The following CEP295 variants were observed in gnomAD, a reference collection of about 807,000 sequenced individuals.
CEP295 encodes centrosomal protein 295, also known as centrosomal protein of 295 kDa.
In CEP295, 190 loss-of-function variants were observed where a neutral mutation model predicts 291.6. The observed-to-expected ratio is 0.65, with a 90% CI of 0.58 to 0.73. CEP295 has a LOEUF of 0.73. Ranked by LOEUF, CEP295 falls within the 30% of genes least tolerant of loss-of-function variation. The pLI, the probability that CEP295 is intolerant of heterozygous loss-of-function variation, is 0.00. For synonymous variants in CEP295, 993 were observed against 1,038.8 expected (o/e 0.96, Z 0.85); for missense variants, 2,863 against 2,949.4 (o/e 0.97, Z 0.68).
intron 9 of CEP295, among the ~76,000 whole-genome samples, chr11:93,684,418 T>C (rs1166565438): frequency 6.6e-6 from 1 of 152,184 alleles, no homozygotes; most frequent in East Asian, 1.9e-4. Context: ...GGTAAACATA[T>C]CTGATAGCAA....
Position 93,697,638 on chromosome 11 carries a change from G to A in CEP295, c.2726G>A (p.Arg909Lys). The change falls in exon 15 of 30, where the codon AGA becomes AAA. Residue 909 changes from arginine (R) to lysine (K), a missense_variant. Coordinates refer to ENST00000325212, the MANE Select transcript of CEP295 (RefSeq NM_033395.2). ...CCTTCTGCCAAAGCAGATTTGGGGA[G>A]AATCCAGGAATCTTCACCAACCAAG... is the stretch of plus-strand genomic sequence containing the variant. The part of the protein sequence containing the change: ...LLPSAKADLG[R>K]IQESSPTKNN... 1 of 1,551,828 alleles carries A rather than the reference G, an allele frequency of 6.4e-7. No homozygotes were observed. The highest frequency in any genetic ancestry group is 8.7e-7 in the Non-Finnish European group (1 of 1,147,008).
Position 93,721,393 on chromosome 11 carries a change from C to A in CEP295, c.5831C>A (p.Thr1944Asn). 1 of 1,589,570 alleles carries A rather than the reference C, an allele frequency of 6.3e-7. No homozygotes were observed. Among genetic ancestry groups the A allele is most frequent in the Non-Finnish European group, 8.6e-7 (1 of 1,163,234 alleles). ...VEEEHAYLGP[T>N]VKPDDKAKTL... ...GAAGAACATGCATATTTGGGTCCAA[C>A]TGTGAAGCCAGATGATAAGGTTAGT... Residue 1944 changes from threonine to asparagine, a missense_variant, in exon 19 of 30, where the codon ACT becomes AAT. Around this residue, in one of 3 missense-constraint regions of CEP295, gnomAD observed 2,295 missense variants for 2,335.7 expected, o/e 0.98. Coordinates refer to ENST00000325212, the MANE Select transcript of CEP295 (RefSeq NM_033395.2).
intron 25 of CEP295, 53 bp from the exon 26 acceptor site, chr11:93,729,381 G>T: frequency 8.1e-7 from 1 of 1,236,520 alleles, no homozygotes; most frequent in South Asian, 1.3e-5. Flanking sequence ...AGCAGAGCAA[G>T]ACCCGCTTAA....
intron 16 of CEP295, 52 bp from the exon 17 acceptor site, chr11:93,702,724 A>C: frequency 1.3e-6 from 2 of 1,540,060 alleles, no homozygotes; most frequent in Non-Finnish European, 1.8e-6. Flanking sequence ...GAAAAGTTAG[A>C]AGTATGTTAA....
chr11:93,686,922 A>G (rs1951272464), intron 9 of CEP295, among the ~76,000 whole-genome samples: 1 of 152,176 alleles, frequency 6.6e-6, no homozygotes, highest in Admixed American at 6.5e-5. Flanking sequence ...CCTATTTTCA[A>G]CCTCTTAAAG....
At position 93,699,198 on chromosome 11, in the gene CEP295, C is replaced by G; in HGVS notation, c.4286C>G (p.Ser1429Cys). ...TCAATTAACAGTGATAATATAGTATCCTCAGGTCACTCAGAGATACCAACA... is the reference window on the plus strand; with the variant it reads ...TCAATTAACAGTGATAATATAGTATGCTCAGGTCACTCAGAGATACCAACA... ...PCSINSDNIV[S>C]SGHSEIPTLP... Residue 1429 changes from serine (S) to cysteine (C), a missense_variant, in exon 15 of 30, where the codon TCC becomes TGC. Ser to Cys is a moderately radical substitution (Grantham distance 112). Transcript: ENST00000325212. The G allele has an allele frequency of 6.4e-7, 1 of 1,551,864 alleles. No individual in the cohort carries two copies. Among genetic ancestry groups the G allele is most frequent in the African/African-American group, 1.4e-5 (1 of 73,138 alleles).
intron 5 of CEP295, among the ~76,000 whole-genome samples, chr11:93,670,863 A>C (rs1950410777): frequency 6.6e-6 from 1 of 150,512 alleles, no homozygotes; most frequent in African/African-American, 2.4e-5. Context: ...GCATGAATTA[A>C]TCAGTGGGCA....
chr11:93,729,791 A>G lies in CEP295; in HGVS notation c.7567+10A>G. 4 of 1,537,174 alleles carry G rather than the reference A, an allele frequency of 2.6e-6. No homozygotes were observed. The highest frequency in any genetic ancestry group is 3.5e-6 in the Non-Finnish European group (4 of 1,141,188). On this transcript the variant is annotated intron_variant, in intron 27 of 29. Transcript: ENST00000325212. The stretch of plus-strand genomic sequence containing the variant: ...GAGAAACCATCTATAAGTATGTTGA[A>G]TTTTTAAAATCTTCAACCAACTCCC...
chr11:93,728,841 C>G lies in CEP295; in HGVS notation c.7302+20C>G, dbSNP rs1207112013. 3.9e-6 allele frequency: 6 copies of G among 1,521,206 alleles called. No individual in the cohort carries two copies. Among genetic ancestry groups the G allele is most frequent in the Non-Finnish European group, 5.3e-6 (6 of 1,135,354 alleles). The allele number at this position is 1,521,206 out of a possible 1,614,324, so 94.2% of individuals were successfully genotyped here. A position where few individuals can be genotyped will look rare whatever the true frequency, so the allele number is the denominator to read the frequency against. On this transcript the variant is annotated intron_variant, in intron 25 of 29. Coordinates refer to ENST00000325212, the MANE Select transcript of CEP295 (RefSeq NM_033395.2). ...TTTCAGGTAAATTTAAGCTTTCCTT[C>G]TATTTTATTCTATTACAAGCAAACC...
intron 18 of CEP295, among the ~76,000 whole-genome samples, chr11:93,708,051 G>A (rs1174285796): frequency 6.6e-6 from 1 of 151,870 alleles, no homozygotes; most frequent in Non-Finnish European, 1.5e-5. Context: ...TAATTTTTGT[G>A]GCTACATAGT....
chr11:93,718,208 G>T (rs1039534634), intron 18 of CEP295, among the ~76,000 whole-genome samples: 2 of 152,224 alleles, frequency 1.3e-5, no homozygotes, highest in Non-Finnish European at 2.9e-5. Flanking sequence ...ACCACGCCTG[G>T]TCCAGATTGT....
In CEP295 at chr11:93,696,369, A is replaced by C. The variant is rs1328798893; in HGVS notation, c.1721A>C (p.His574Pro). Reference sequence around the variant, plus strand: ...CCTGTAATTTCTGATGAAGATAGTCATAGGCAGATGATTCGTAACTATCAA... The same window carrying C: ...CCTGTAATTTCTGATGAAGATAGTCCTAGGCAGATGATTCGTAACTATCAA... ...SCPVISDEDS[H>P]RQMIRNYQHQ... The change falls in exon 14 of 30, where the codon CAT (histidine) becomes CCT (proline). Residue 574 changes from histidine to proline, a missense_variant. His to Pro is a moderately conservative substitution (Grantham distance 77). Around this residue, in one of 3 missense-constraint regions of CEP295, gnomAD observed 2,295 missense variants for 2,335.7 expected, o/e 0.98. Coordinates refer to ENST00000325212, the MANE Select transcript of CEP295 (RefSeq NM_033395.2). The C allele has an allele frequency of 1.3e-6, 2 of 1,550,958 alleles. No homozygotes were observed. Among genetic ancestry groups the C allele is most frequent in the South Asian group, 1.2e-5 (1 of 84,040 alleles).
At chr11:93,668,242 C>G (rs7925086) in intron 3 of CEP295, among the ~76,000 whole-genome samples, 53,894 of 151,984 alleles carry the variant, frequency 0.35, 10,064 homozygotes, top group South Asian at 0.49. Flanking sequence ...TGTGGAAATA[C>G]TACAGTCCCA....
chr11:93,724,824 A>T (rs1219771066), intron 22 of CEP295, among the ~76,000 whole-genome samples: 1 of 152,136 alleles, frequency 6.6e-6, no homozygotes, highest in Non-Finnish European at 1.5e-5. Context: ...TAAATAAAAA[A>T]TAAAAATAAA....
At chr11:93,696,447 T>C (rs1292522759) in intron 14 of CEP295, 30 bp downstream of exon 14, 1 of 1,322,908 alleles carries the variant, frequency 7.6e-7, no homozygotes, top group East Asian at 2.5e-5. Flanking sequence ...TTATATGTGA[T>C]CGTATGTGGC....
chr11:93,667,742 T>C lies in CEP295; in HGVS notation c.244T>C (p.Leu82=). ...ATCACAAACTCAGAAAATACAGAAC[T>C]TGGAAAAACTGTATTTGGCAAGTTT... ...EESQTQKIQN[L]EKLYLASLRS... The change falls in exon 3 of 30, where the codon TTG becomes CTG. Residue 82 remains leucine, a synonymous_variant. Coordinates refer to ENST00000325212, the MANE Select transcript of CEP295 (RefSeq NM_033395.2). 6.4e-7 allele frequency: 1 copy of C among 1,551,358 alleles called. No homozygotes were observed. The highest frequency in any genetic ancestry group is 8.7e-7 in the Non-Finnish European group (1 of 1,146,846).
chr11:93,720,991 A>G (rs919210091), intron 18 of CEP295, among the ~76,000 whole-genome samples: 1 of 152,120 alleles, frequency 6.6e-6, no homozygotes, highest in African/African-American at 2.4e-5. Flanking sequence ...TTTCCACTTA[A>G]AACAGTGGCA....
Position 93,697,939 on chromosome 11 carries a change from T to C in CEP295, c.3027T>C (p.Ser1009=). Residue 1009 remains serine (S), a synonymous_variant, in exon 15 of 30, where the codon TCT becomes TCC. Coordinates refer to ENST00000325212, the MANE Select transcript of CEP295 (RefSeq NM_033395.2). ...VAQHTFTSLP[S]ADTKSGKIQE... ...AGCATACATTTACTTCACTACCATC[T>C]GCTGATACAAAATCTGGAAAAATAC... The C allele has an allele frequency of 1.3e-6, 2 of 1,551,732 alleles. No individual in the cohort carries two copies. The highest frequency in any genetic ancestry group is 1.7e-6 in the Non-Finnish European group (2 of 1,146,984).
intron 12 of CEP295, among the ~76,000 whole-genome samples, chr11:93,692,399 ATAT>A (rs1951607237): frequency 6.6e-6 from 1 of 152,208 alleles, no homozygotes; most frequent in Non-Finnish European, 1.5e-5. Flanking sequence ...CCTTGTCATA[ATAT>A]TAGACACTCA....
Sources: gnomAD v4.1 joint callset for allele counts (sites outside exome capture counted in the v4.1 genomes callset) on GRCh38, gnomAD v4.1.1 for gene constraint, gnomAD v4.1.1 regional missense constraint, MANE v1.5 for transcripts, NCBI Gene and HGNC (gene_info 2026-07-23, HGNC 2026-07-21) for gene names.